Variants in SULF1 observed in about 807,000 individuals in gnomAD.
SULF1 encodes the protein sulfatase 1, also known as extracellular sulfatase Sulf-1.
In SULF1, 46 loss-of-function variants were observed where a neutral mutation model predicts 110.5. That is an observed-to-expected ratio of 0.42 (90% CI 0.33 to 0.53). The LOEUF (loss-of-function observed/expected upper bound fraction) is 0.53. Among genes scored for constraint, SULF1 ranks in the 20% least tolerant of loss-of-function variants. SULF1 has a pLI of 0.12. For missense variants in SULF1, 941 were observed against 1,094.2 expected (o/e 0.86, Z 1.98); for synonymous variants, 371 against 387.1 (o/e 0.96, Z 0.49).
chr8:69,604,818 G>A lies in SULF1; in HGVS notation c.1263G>A (p.Lys421=), dbSNP rs1282659214. Residue 421 remains lysine, a synonymous_variant, in exon 13 of 23, where the codon AAG becomes AAA. Coordinates refer to ENST00000402687, the MANE Select transcript of SULF1 (RefSeq NM_001128205.2). ...TTTGTCGAAGCAAATTTCTACGTAA[G>A]AAGGAAGAATCCAGCAAGAATATCC... ...FLVERGKFLR[K]KEESSKNIQQ... is the part of the protein sequence containing the mutation. 6.2e-7 allele frequency: 1 copy of A among 1,613,808 alleles called. No individual in the cohort carries two copies. The highest frequency in any genetic ancestry group is 8.5e-7 in the Non-Finnish European group (1 of 1,179,976).
At chr8:69,539,139 C>G (rs78579483) in intron 3 of SULF1, among the ~76,000 whole-genome samples, 1,994 of 152,282 alleles carry the variant, frequency 0.013, 48 homozygotes, top group African/African-American at 0.044. Context: ...CTTTGTCATT[C>G]GACCTGCTGA....
intron 3 of SULF1, among the ~76,000 whole-genome samples, chr8:69,554,140 A>G (rs1277240977): frequency 6.6e-6 from 1 of 152,226 alleles, no homozygotes; most frequent in Admixed American, 6.5e-5. Context: ...CCTTTGTGTG[A>G]CAAGTGCTGT....
chr8:69,487,468 G>C (rs1052114768), intron 1 of SULF1, among the ~76,000 whole-genome samples: 8 of 152,178 alleles, frequency 5.3e-5, no homozygotes, highest in Admixed American at 6.5e-5. Context: ...CTATAATCAC[G>C]TAACAGCGAG....
intron 3 of SULF1, among the ~76,000 whole-genome samples, chr8:69,550,754 C>A (rs569580950): frequency 1.3e-5 from 2 of 152,194 alleles, no homozygotes; most frequent in East Asian, 3.9e-4. Flanking sequence ...ACCACGTGTC[C>A]CAATTTGGGG....
At chr8:69,531,527 A>T (rs1276392030) in intron 3 of SULF1, among the ~76,000 whole-genome samples, 1 of 152,172 alleles carries the variant, frequency 6.6e-6, no homozygotes. Context: ...GAATTTTTTA[A>T]TATCATGTTA....
chr8:69,648,172 A>G (rs1473311546), intron 22 of SULF1, among the ~76,000 whole-genome samples: 2 of 151,644 alleles, frequency 1.3e-5, no homozygotes, highest in Non-Finnish European at 2.9e-5. Flanking sequence ...TCAGCAAAAC[A>G]TGGAAGGGCT....
chr8:69,609,077 C>T (rs530084590), intron 13 of SULF1, among the ~76,000 whole-genome samples: 1 of 152,226 alleles, frequency 6.6e-6, no homozygotes, highest in South Asian at 2.1e-4. Flanking sequence ...CAGCTTATGG[C>T]TTACTCCCAT....
chr8:69,478,617 C>G (rs1256227279), intron 1 of SULF1, among the ~76,000 whole-genome samples: 1 of 152,206 alleles, frequency 6.6e-6, no homozygotes, highest in Non-Finnish European at 1.5e-5. Context: ...CTCATTACCT[C>G]CATGGAACTT....
intron 3 of SULF1, among the ~76,000 whole-genome samples, chr8:69,561,137 CAA>C (rs1176879140): frequency 6.6e-6 from 1 of 151,442 alleles, no homozygotes. Context: ...GTTATCACTA[CAA>C]AAAAAATGAT....
intron 13 of SULF1, among the ~76,000 whole-genome samples, chr8:69,613,035 C>T (rs1159313459): frequency 1.3e-5 from 2 of 151,882 alleles, no homozygotes; most frequent in Non-Finnish European, 2.9e-5. Flanking sequence ...TTTTGTGTAA[C>T]GTGAGAGATA....
chr8:69,563,819 C>G, intron 4 of SULF1, 97 bp from the exon 5 acceptor site: 2 of 687,784 alleles, frequency 2.9e-6, no homozygotes, highest in South Asian at 3.9e-5. Context: ...AGCTTATGTG[C>G]CAATACTGAC....
intron 5 of SULF1, among the ~76,000 whole-genome samples, chr8:69,566,468 G>A (rs758640863): frequency 1.3e-5 from 2 of 152,144 alleles, no homozygotes; most frequent in Non-Finnish European, 2.9e-5. Flanking sequence ...ATGGTGAAGG[G>A]TTATAGACCA....
chr8:69,641,738 T>C (rs1468039750), intron 22 of SULF1, among the ~76,000 whole-genome samples: 1 of 151,936 alleles, frequency 6.6e-6, no homozygotes, highest in Non-Finnish European at 1.5e-5. Flanking sequence ...AGAGAGACCC[T>C]GTCTCTAAAA....
chr8:69,570,548 G>A (rs999579064), intron 5 of SULF1, among the ~76,000 whole-genome samples: 3 of 152,132 alleles, frequency 2.0e-5, no homozygotes, highest in African/African-American at 4.8e-5. Context: ...AATGATTTTT[G>A]TATGAAATCA....
intron 3 of SULF1, among the ~76,000 whole-genome samples, chr8:69,526,423 T>G (rs1350800228): frequency 6.6e-6 from 1 of 152,062 alleles, no homozygotes; most frequent in African/African-American, 2.4e-5. Flanking sequence ...ATTAGTCAAT[T>G]TTTAAAAAAT....
At chr8:69,554,114 T>G (rs912302718) in intron 3 of SULF1, among the ~76,000 whole-genome samples, 3 of 152,164 alleles carry the variant, frequency 2.0e-5, no homozygotes, top group East Asian at 3.9e-4. Context: ...CATCATCCAG[T>G]TTAATTATAT....
In SULF1 at chr8:69,525,287, G is replaced by A. The variant is rs564528981; in HGVS notation, c.-134+23319G>A. On this transcript the variant is annotated intron_variant, in intron 3 of 22. Transcript: ENST00000402687. The stretch of plus-strand genomic sequence containing the variant: ...ACAGATGCCCAGAAATTGCTCAATG[G>A]TACTAAGTCTCCTAAGTAATTCCAA... Among the ~76,000 whole-genome samples, 14 of 152,194 alleles carry A rather than the reference G, an allele frequency of 9.2e-5. No homozygotes were observed. The South Asian group carries it at 2.9e-3, about 32-fold the overall frequency.
At chr8:69,619,190 C>G (rs1411740223) in intron 13 of SULF1, among the ~76,000 whole-genome samples, 1 of 152,078 alleles carries the variant, frequency 6.6e-6, no homozygotes, top group Non-Finnish European at 1.5e-5. Flanking sequence ...GAGTTTCTCA[C>G]TCTTTAACTA....
intron 19 of SULF1, among the ~76,000 whole-genome samples, chr8:69,634,689 T>G (rs1235013230): frequency 6.6e-6 from 1 of 151,504 alleles, no homozygotes; most frequent in East Asian, 1.9e-4. Flanking sequence ...TGAGCCCCAG[T>G]GGAGGAGGCT....
Sources: gnomAD v4.1 joint callset for allele counts (sites outside exome capture counted in the v4.1 genomes callset) on GRCh38, gnomAD v4.1.1 for gene constraint, MANE v1.5 for transcripts, NCBI Gene and HGNC (gene_info 2026-07-23, HGNC 2026-07-21) for gene names.